HBS1L: variants seen among roughly 807,000 people sequenced by gnomAD.
The protein encoded by HBS1L is HBS1-like protein.
Under a neutral mutation model 88.9 loss-of-function variants are expected in HBS1L, and 55 were observed. The ratio of observed to expected loss-of-function variants is 0.62; its 90% CI spans 0.50 to 0.77. HBS1L has a LOEUF of 0.77. Among genes scored for constraint, HBS1L ranks in the 30% least tolerant of loss-of-function variants. The pLI is 0.00. For missense variants in HBS1L, 741 were observed against 829.3 expected, an observed-to-expected ratio of 0.89 and a Z score of 1.31; for synonymous variants, 267 against 288.5, an observed-to-expected ratio of 0.93 and a Z score of 0.76.
At position 135,054,685 on chromosome 6, in the gene HBS1L, G is replaced by C. The variant is rs769958106; in HGVS notation, c.7C>G (p.Arg3Gly). 1.9e-6 allele frequency: 3 copies of C among 1,614,204 alleles called. No individual in the cohort carries two copies. Among genetic ancestry groups the C allele is most frequent in the Non-Finnish European group, 8.5e-7 (1 of 1,180,036 alleles). The change falls in exon 1 of 18, where the codon CGG (arginine) becomes GGG (glycine). Residue 3 changes from arginine to glycine, a missense_variant. Arg to Gly is a moderately radical substitution (Grantham distance 125). Around this residue, in one of 3 missense-constraint regions of HBS1L, gnomAD observed 556 missense variants for 598.4 expected, o/e 0.93. Transcript: ENST00000367837. MA[R>G]HRNVRGYNYD... ...TTATAGCCTCGAACATTCCGATGCC[G>C]GGCCATGACGGCGGAGAGGGCGTTT...
At position 134,997,494 on chromosome 6, in the gene HBS1L, C is replaced by T. The variant is rs147348866; in HGVS notation, c.702G>A (p.Pro234=). 64 of 1,613,892 alleles carry T rather than the reference C, an allele frequency of 4.0e-5. 3 individuals are homozygous for T. The Admixed American group carries it at 6.7e-4, about 17-fold the overall frequency. Residue 234 remains proline (P), a synonymous_variant, in exon 6 of 18, where the codon CCG becomes CCA. Coordinates refer to ENST00000367837, the MANE Select transcript of HBS1L (RefSeq NM_006620.4). The part of the protein sequence containing the change: ...ASEEQSSTPA[P]VKKSGKLRQQ... Reference sequence around the variant, plus strand: ...GCCTCAGCTTGCCAGACTTTTTCACCGGTGCTGGGGTTGAACTCTGCTCTT... The same window carrying T: ...GCCTCAGCTTGCCAGACTTTTTCACTGGTGCTGGGGTTGAACTCTGCTCTT...
At chr6:134,986,215 A>G in intron 10 of HBS1L, 32 bp from the exon 11 acceptor site, 1 of 1,104,596 alleles carries the variant, frequency 9.1e-7, no homozygotes, top group Non-Finnish European at 1.4e-6. Flanking sequence ...GAAACTTAAT[A>G]CAACATTTTT....
chr6:134,973,538 G>A (rs1040325799), intron 15 of HBS1L, among the ~76,000 whole-genome samples: 2 of 152,200 alleles, frequency 1.3e-5, no homozygotes, highest in Non-Finnish European at 2.9e-5. Context: ...TGACTGGCCA[G>A]GCGCAGTGGC....
intron 4 of HBS1L, among the ~76,000 whole-genome samples, chr6:135,011,905 TAAAAAAAAAAAAA>T (rs10605981): frequency 1.2e-4 from 13 of 112,558 alleles, no homozygotes; most frequent in African/African-American, 4.6e-4. Flanking sequence ...AAACTTGTCT[TAAAAAAAAAAAAA>T]AAAAAAAAGG....
intron 4 of HBS1L, chr6:135,036,009 T>C (rs1191913045): frequency 4.5e-6 from 3 of 672,376 alleles, no homozygotes; most frequent in Non-Finnish European, 5.5e-6. Context: ...AAAATGTATT[T>C]CAACAATCTC....
intron 14 of HBS1L, 43 bp downstream of exon 14, chr6:134,979,135 C>T: frequency 7.2e-7 from 1 of 1,392,496 alleles, no homozygotes; most frequent in South Asian, 1.2e-5. Flanking sequence ...AGGTGAGGTC[C>T]TATATGAAGA....
At chr6:135,035,877 AT>A in intron 4 of HBS1L, 1 of 735,346 alleles carries the variant, frequency 1.4e-6, no homozygotes, top group Non-Finnish European at 1.7e-6. Context: ...CTTTTTATAT[AT>A]TTATTTTAAA....
rs370669162 is a variant in HBS1L, at chr6:134,997,605, C to T, written c.591G>A (p.Pro197=). The T allele has an allele frequency of 1.1e-4, 180 of 1,613,710 alleles. No individual in the cohort carries two copies. The Middle Eastern group carries it at 1.5e-3, about 13-fold the overall frequency. ...AAGAAGCAATGGCATCTTCAATGGGCGGTCCTTTTTGAGGTGTGTGGAAAC... is the reference window on the plus strand; with the variant it reads ...AAGAAGCAATGGCATCTTCAATGGGTGGTCCTTTTTGAGGTGTGTGGAAAC... ...GHSFHTPQKG[P]PIEDAIASSD... The change falls in exon 6 of 18, where the codon CCG becomes CCA. Residue 197 remains proline (P), a synonymous_variant. Coordinates refer to ENST00000367837, the MANE Select transcript of HBS1L (RefSeq NM_006620.4).
At chr6:134,992,425 A>G (rs993579700) in intron 8 of HBS1L, among the ~76,000 whole-genome samples, 3 of 152,172 alleles carry the variant, frequency 2.0e-5, no homozygotes, top group Admixed American at 2.0e-4. Flanking sequence ...GTATAAACAA[A>G]TCTACTGCGC....
chr6:134,979,174 T>C lies in HBS1L; in HGVS notation c.1688+4A>G. 5 of 1,605,256 alleles carry C rather than the reference T, an allele frequency of 3.1e-6. 1 individual carries two copies. On this transcript the variant is annotated splice_donor_region_variant and intron_variant, in intron 14 of 17. Transcript: ENST00000367837. ...CGGTTGCTTAAACTCATTTTCTCAC[T>C]CACTTGATTTTGATGATATCCATCC... is the stretch of plus-strand genomic sequence containing the variant.
chr6:135,011,483 G>A (rs988361787), intron 4 of HBS1L, among the ~76,000 whole-genome samples: 1 of 152,186 alleles, frequency 6.6e-6, no homozygotes, highest in African/African-American at 2.4e-5. Context: ...TTGTGCCAAT[G>A]AACTCTAGCC....
At chr6:134,998,260 A>AT (rs1421044617) in intron 5 of HBS1L, among the ~76,000 whole-genome samples, 2 of 152,234 alleles carry the variant, frequency 1.3e-5, no homozygotes, top group Non-Finnish European at 2.9e-5. Flanking sequence ...TAAAAAGTTA[A>AT]CTACCACTCT....
At chr6:134,969,984 T>C (rs1774435084) in intron 15 of HBS1L, among the ~76,000 whole-genome samples, 2 of 152,144 alleles carry the variant, frequency 1.3e-5, no homozygotes, top group Admixed American at 6.5e-5. Context: ...GGAAGGAAAA[T>C]AACGTTTTTA....
At position 135,054,809 on chromosome 6, in the gene HBS1L, C is replaced by G; in HGVS notation, c.-118G>C. On this transcript the variant is annotated 5_prime_UTR_variant, in exon 1 of 18. Coordinates refer to ENST00000367837, the MANE Select transcript of HBS1L (RefSeq NM_006620.4). ...CCCTATGCGCCATCTTGGCTTCCCG[C>G]AGGCCTCTGCGCCGAGCGCCTGCGC... is the stretch of plus-strand genomic sequence containing the variant. 7.8e-7 allele frequency: 1 copy of G among 1,274,514 alleles called. No individual in the cohort carries two copies. Among genetic ancestry groups the G allele is most frequent in the East Asian group, 2.5e-5 (1 of 39,962 alleles). 79.0% of individuals were successfully genotyped at this position (1,274,514 alleles called of 1,614,324 possible).
At chr6:135,025,486 G>A (rs1021030027) in intron 4 of HBS1L, among the ~76,000 whole-genome samples, 2 of 120,040 alleles carry the variant, frequency 1.7e-5, no homozygotes, top group Non-Finnish European at 3.4e-5. Flanking sequence ...GCCTTTCACT[G>A]CTTCTGTTTT....
Position 135,011,837 on chromosome 6 carries a change from C to T in HBS1L, c.431-8995G>A, listed in dbSNP as rs533797103. Among the ~76,000 whole-genome samples, 23 of 143,224 alleles carry T rather than the reference C, an allele frequency of 1.6e-4. No individual in the cohort carries two copies. The East Asian group carries it at 1.7e-3, about 11-fold the overall frequency. The allele number at this position is 143,224 out of a possible 152,430, so 94.0% of individuals were successfully genotyped here. ...AGGAGAATCACTTGAACCCAGGAGG[C>T]GGAGGTTGAAGTGAGCCAAGATTGT... On this transcript the variant is annotated intron_variant, in intron 4 of 17. Coordinates refer to ENST00000367837, the MANE Select transcript of HBS1L (RefSeq NM_006620.4).
intron 5 of HBS1L, among the ~76,000 whole-genome samples, chr6:135,001,946 A>G (rs569450602): frequency 6.2e-4 from 94 of 151,224 alleles, no homozygotes; most frequent in South Asian, 1.7e-3. Context: ...GGAAAAGAGG[A>G]AAAAAAAGGA....
At chr6:135,003,025 C>T (rs1468192015) in intron 4 of HBS1L, among the ~76,000 whole-genome samples, 183 bp from the exon 5 acceptor site, 1 of 152,124 alleles carries the variant, frequency 6.6e-6, no homozygotes, top group Admixed American at 6.6e-5. Context: ...TCACTTTAAT[C>T]TAGGAAATCC....
chr6:134,972,751 T>A lies in HBS1L; in HGVS notation c.1798-3413A>T, dbSNP rs7775544. Among the ~76,000 whole-genome samples, 521 of 152,260 alleles carry A rather than the reference T, an allele frequency of 3.4e-3. 2 individuals are homozygous for A. The highest frequency in any genetic ancestry group is 0.012 in the African/African-American group (498 of 41,556). On this transcript the variant is annotated intron_variant, in intron 15 of 17. Coordinates refer to ENST00000367837, the MANE Select transcript of HBS1L (RefSeq NM_006620.4). The stretch of plus-strand genomic sequence containing the variant: ...AATAACAACACAACCTAATTCAAAA[T>A]GTGCAAAGGATTTAAAAAGACATTT...
Sources: allele counts gnomAD v4.1 joint callset (sites outside exome capture counted in the v4.1 genomes callset), GRCh38; gene constraint gnomAD v4.1.1; regional missense constraint gnomAD v4.1.1; transcripts MANE v1.5; gene names NCBI Gene and HGNC (gene_info 2026-07-23, HGNC 2026-07-21).